KLC1: variants seen among roughly 807,000 people sequenced by gnomAD.
KLC1 encodes kinesin light chain 1.
In KLC1, 30 loss-of-function variants were observed where a neutral mutation model predicts 84.2. The observed-to-expected ratio is 0.36, with a 90% CI of 0.27 to 0.48. The LOEUF (loss-of-function observed/expected upper bound fraction) is 0.48, where lower values mean the gene tolerates loss of function less well. KLC1 is among the 20% of genes least tolerant of loss of function. KLC1 has a pLI of 0.99. For synonymous variants in KLC1, 289 were observed against 293.3 expected (o/e 0.99, Z 0.15); for missense variants, 499 against 805.4 (o/e 0.62, Z 4.60).
chr14:103,687,063 T>TGTTCAC lies in KLC1; in HGVS notation c.1651-14_1651-9dup. 6.6e-7 allele frequency: 1 copy of TGTTCAC among 1,514,664 alleles called. No homozygotes were observed. The highest frequency in any genetic ancestry group is 8.9e-7 in the Non-Finnish European group (1 of 1,118,270). 93.8% of individuals were successfully genotyped at this position (1,514,664 alleles called of 1,614,324 possible). On this transcript the variant is annotated splice_polypyrimidine_tract_variant and intron_variant, in intron 13 of 16. Transcript: ENST00000334553. ...GGAGAACCACCTGCAGCTTCACGTT[T>TGTTCAC]GTTCACGTTTTTTTCAGGATGGCAC...
In KLC1 at chr14:103,642,291, C is replaced by T. The variant is rs113655658; in HGVS notation, c.-1-12273C>T. On this transcript the variant is annotated intron_variant, in intron 1 of 16. Coordinates refer to ENST00000334553, the MANE Select transcript of KLC1 (RefSeq NM_001394837.1). ...AGGGGTCCCCTCATGGCCTAATCAC[C>T]TCCCAAAGGCCCCACCTCCTAAAAG... Among the ~76,000 whole-genome samples the T allele has an allele frequency of 6.5e-4, 99 of 152,224 alleles. 2 individuals are homozygous for T. The highest frequency in any genetic ancestry group is 2.1e-3 in the African/African-American group (89 of 41,558).
intron 5 of KLC1, among the ~76,000 whole-genome samples, chr14:103,665,811 T>C (rs1471954598): frequency 2.0e-5 from 3 of 152,202 alleles, no homozygotes; most frequent in Non-Finnish European, 4.4e-5. Flanking sequence ...TGGTACCTGC[T>C]GCCAAACTGC....
At position 103,694,103 on chromosome 14, in the gene KLC1, G is replaced by A; in HGVS notation, c.1848+1678G>A. 1 of 984,546 alleles carries A rather than the reference G, an allele frequency of 1.0e-6. No homozygotes were observed. The highest frequency in any genetic ancestry group is 1.2e-6 in the Non-Finnish European group (1 of 828,912). The allele number at this position is 984,546 out of a possible 1,614,324, so 61.0% of individuals were successfully genotyped here. A position where few individuals can be genotyped will look rare whatever the true frequency, so the allele number is the denominator to read the frequency against. On this transcript the variant is annotated intron_variant, in intron 15 of 16. Transcript: ENST00000334553. This position sits in a 1 kb window ranked among gnomAD's most constrained non-coding sequence, Gnocchi z 4.5. ...GAAGCTTAGCGGACACTGGTCAGTG[G>A]GAAGTGAATTCCTTCCCAGCTGGAG... is the stretch of plus-strand genomic sequence containing the variant.
intron 11 of KLC1, 61 bp downstream of exon 11, chr14:103,675,817 C>A: frequency 7.3e-7 from 1 of 1,362,008 alleles, no homozygotes. Context: ...TAATTGTGTT[C>A]TACAGGGCAG....
chr14:103,681,630 T>G (rs1266240049), intron 13 of KLC1, among the ~76,000 whole-genome samples: 1 of 152,170 alleles, frequency 6.6e-6, no homozygotes, highest in Non-Finnish European at 1.5e-5. Flanking sequence ...GGCTAATTTT[T>G]TTATTTTTAG....
At chr14:103,630,133 G>A (rs767279557) in intron 1 of KLC1, among the ~76,000 whole-genome samples, 4 of 152,234 alleles carry the variant, frequency 2.6e-5, no homozygotes, top group Admixed American at 6.5e-5. Context: ...AACGTTTCAG[G>A]CGACCCTGTT....
chr14:103,695,773 G>A (rs1052219629), intron 15 of KLC1: 1 of 985,464 alleles, frequency 1.0e-6, no homozygotes, highest in Non-Finnish European at 1.2e-6. Context: ...GCAGCACTGT[G>A]GCTGTGGGAG....
chr14:103,650,474 G>A (rs1343872625), intron 1 of KLC1, among the ~76,000 whole-genome samples: 2 of 152,122 alleles, frequency 1.3e-5, no homozygotes, highest in African/African-American at 4.8e-5. Flanking sequence ...GTGATGGTGT[G>A]ATTTATAGGC....
intron 1 of KLC1, among the ~76,000 whole-genome samples, chr14:103,635,502 C>G (rs2076978999): frequency 1.3e-5 from 2 of 152,042 alleles, no homozygotes; most frequent in Admixed American, 6.6e-5. Flanking sequence ...GTCTGTAATC[C>G]CAGCACTTTG....
intron 1 of KLC1, among the ~76,000 whole-genome samples, chr14:103,652,936 A>G (rs1039507055): frequency 6.6e-6 from 1 of 152,200 alleles, no homozygotes; most frequent in African/African-American, 2.4e-5. Context: ...CCAGTGTGTG[A>G]TGCAGAGACT....
intron 14 of KLC1, among the ~76,000 whole-genome samples, chr14:103,688,573 A>G (rs1373216396): frequency 1.3e-5 from 2 of 152,208 alleles, no homozygotes; most frequent in Non-Finnish European, 2.9e-5. Context: ...CGGGGTGGCC[A>G]GAGATGGCCC....
intron 7 of KLC1, among the ~76,000 whole-genome samples, chr14:103,672,606 A>G (rs2080499771): frequency 6.6e-6 from 1 of 152,168 alleles, no homozygotes; most frequent in Admixed American, 6.6e-5. Flanking sequence ...GGGCTAGGAG[A>G]AGAGCATCCT....
chr14:103,631,689 C>G (rs1472183055), intron 1 of KLC1, among the ~76,000 whole-genome samples: 1 of 152,098 alleles, frequency 6.6e-6, no homozygotes, highest in Non-Finnish European at 1.5e-5. Context: ...CCTCCGCCTC[C>G]CAGGTTCCAG....
chr14:103,700,544 C>T (rs2083086922), intron 15 of KLC1, 111 bp from the exon 16 acceptor site: 2 of 856,914 alleles, frequency 2.3e-6, no homozygotes, highest in Admixed American at 2.5e-5. Context: ...CCTAGGCTGT[C>T]CCTCAAGTCC....
chr14:103,678,116 A>G (rs1329559320), intron 12 of KLC1, among the ~76,000 whole-genome samples: 1 of 151,812 alleles, frequency 6.6e-6, no homozygotes, highest in East Asian at 1.9e-4. Flanking sequence ...CTCTACTAAA[A>G]ACACAGTGCA....
At chr14:103,640,082 T>C (rs1237474096) in intron 1 of KLC1, among the ~76,000 whole-genome samples, 1 of 151,984 alleles carries the variant, frequency 6.6e-6, no homozygotes, top group Admixed American at 6.6e-5. Flanking sequence ...TTTTCTTTAT[T>C]TTTGAGACAG....
rs78061944 is a variant in KLC1, at chr14:103,685,606, C to A, written c.1651-1475C>A. On this transcript the variant is annotated intron_variant, in intron 13 of 16. Transcript: ENST00000334553. ...GTTGCCTTTCCTCGCCGCGGTTTCA[C>A]GTGGGTTTTCTCTCTCCTTTCTGTC... 1.7e-5 allele frequency: 22 copies of A among 1,289,180 alleles called. No homozygotes were observed. In the African/African-American group the frequency reaches 3.2e-4, roughly 19 times the overall value. The allele number at this position is 1,289,180 out of a possible 1,614,324, so 79.9% of individuals were successfully genotyped here.
intron 6 of KLC1, 143 bp downstream of exon 6, chr14:103,669,741 CT>C: frequency 6.4e-6 from 4 of 627,312 alleles, no homozygotes; most frequent in Non-Finnish European, 1.1e-5. Context: ...GAGGTCTTCA[CT>C]TACTCAGTGC....
intron 15 of KLC1, chr14:103,698,849 G>T (rs1317337091): frequency 1.2e-6 from 2 of 1,607,590 alleles, no homozygotes; most frequent in Non-Finnish European, 1.7e-6. Context: ...CACTGATCGT[G>T]TAGGAACAGG....
Sources: gnomAD v4.1 joint callset for allele counts (sites outside exome capture counted in the v4.1 genomes callset) on GRCh38, gnomAD v4.1.1 for gene constraint, Gnocchi (gnomAD v3.1) non-coding constraint, MANE v1.5 for transcripts, NCBI Gene and HGNC (gene_info 2026-07-23, HGNC 2026-07-21) for gene names.